The following FOXP1 variants were observed in gnomAD, a reference collection of about 807,000 sequenced individuals.
FOXP1 encodes forkhead box P1, also known as forkhead box protein P1.
A neutral mutation model predicts 98.2 loss-of-function variants in FOXP1; 15 were observed. The ratio of observed to expected loss-of-function variants is 0.15; its 90% CI spans 0.10 to 0.24. FOXP1 has a LOEUF of 0.24. FOXP1 is among the 10% of genes least tolerant of loss of function. The probability of loss-of-function intolerance (pLI) is 1.00; values close to 1 mark genes in which losing one functional copy is unlikely to be tolerated. For missense variants in FOXP1, 633 were observed against 848.5 expected (o/e 0.75, Z 3.15); for synonymous variants, 371 against 314.5 (o/e 1.18, Z -1.90).
At chr3:71,544,357 T>C (rs1446575581) in intron 2 of FOXP1, among the ~76,000 whole-genome samples, 1 of 136,906 alleles carries the variant, frequency 7.3e-6, no homozygotes, top group Admixed American at 7.5e-5. Context: ...AAAAGATGTA[T>C]CAAAGGAAAG....
intron 6 of FOXP1, among the ~76,000 whole-genome samples, chr3:71,139,649 G>A (rs1029449509): frequency 4.7e-5 from 7 of 149,882 alleles, no homozygotes; most frequent in Middle Eastern, 3.4e-3. Context: ...TCTGTTCCTC[G>A]GCTCTATGGA....
At chr3:70,977,127 C>G in intron 16 of FOXP1, 85 bp from the exon 17 acceptor site, 1 of 931,352 alleles carries the variant, frequency 1.1e-6, no homozygotes, top group Non-Finnish European at 1.8e-6. Context: ...TATAAAATCA[C>G]TGTGATTCAG....
In FOXP1 at chr3:71,281,159, G is replaced by A. The variant is rs542383488; in HGVS notation, c.-12+18661C>T. Among the ~76,000 whole-genome samples the A allele has an allele frequency of 2.0e-5, 3 of 151,538 alleles. No individual in the cohort carries two copies. The East Asian group carries it at 5.8e-4, about 29-fold the overall frequency. On this transcript the variant is annotated intron_variant, in intron 5 of 20. Coordinates refer to ENST00000649528, the MANE Select transcript of FOXP1 (RefSeq NM_001349338.3). ...TGAGAGGATCACCTGAGCCCAGGGA[G>A]TTCAAGGCTGCAGTGAGCTATGATC... is the stretch of plus-strand genomic sequence containing the variant.
intron 5 of FOXP1, among the ~76,000 whole-genome samples, chr3:71,223,174 T>C (rs911814465): frequency 6.6e-6 from 1 of 152,180 alleles, no homozygotes; most frequent in African/African-American, 2.4e-5. Context: ...TCTCAACTCC[T>C]TTGAATGGAA....
chr3:71,369,241 T>C (rs944853749), intron 3 of FOXP1, among the ~76,000 whole-genome samples: 3 of 151,882 alleles, frequency 2.0e-5, no homozygotes, highest in Admixed American at 6.5e-5. Context: ...TAGAAACAAA[T>C]TAGCTGGGCG....
chr3:70,959,983 G>A (rs917455372), intron 20 of FOXP1, among the ~76,000 whole-genome samples: 5 of 152,136 alleles, frequency 3.3e-5, no homozygotes, highest in East Asian at 3.8e-4. Context: ...GTAATGCAAC[G>A]GCAGTTTGTG....
Position 71,582,210 on chromosome 3 carries a change from C to G in FOXP1, c.-446-513G>C, listed in dbSNP as rs1175714286. 1.1e-5 allele frequency: 11 copies of G among 977,280 alleles called. No individual in the cohort carries two copies. In the African/African-American group the frequency reaches 2.0e-4, roughly 18 times the overall value. The allele number at this position is 977,280 out of a possible 1,614,324, so 60.5% of individuals were successfully genotyped here. ...CCCGGGACCAAGGCGGAGCTCACAACAGGTGGGGAGGGGGGCTCGTCGAGG... is the reference window on the plus strand; with the variant it reads ...CCCGGGACCAAGGCGGAGCTCACAAGAGGTGGGGAGGGGGGCTCGTCGAGG... On this transcript the variant is annotated intron_variant, in intron 1 of 20. Transcript: ENST00000649528.
At chr3:71,316,364 C>A (rs1560294816) in intron 4 of FOXP1, among the ~76,000 whole-genome samples, 1 of 152,134 alleles carries the variant, frequency 6.6e-6, no homozygotes, top group South Asian at 2.1e-4. Context: ...TAGTGGCCAT[C>A]GGGATGACCA....
chr3:71,160,162 A>C (rs1356528320), intron 6 of FOXP1, among the ~76,000 whole-genome samples: 1 of 152,234 alleles, frequency 6.6e-6, no homozygotes, highest in Admixed American at 6.5e-5. Flanking sequence ...GCTGGTTTTC[A>C]ATTGACACTG....
intron 3 of FOXP1, among the ~76,000 whole-genome samples, chr3:71,419,016 C>T (rs1483692837): frequency 6.6e-6 from 1 of 150,654 alleles, no homozygotes; most frequent in Admixed American, 6.6e-5. Context: ...GGGTGAATCA[C>T]CTGAGGTCAG....
In FOXP1 at chr3:70,955,832, GCACA is replaced by G. The variant is rs143202281; in HGVS notation, c.*3411_*3414del. Reference sequence around the variant, plus strand: ...AACAGATTAACACACACGCACGCGCGCACACACACACACACACACACACAAAACC... The same window carrying G: ...AACAGATTAACACACACGCACGCGCGCACACACACACACACACACAAAACC... On this transcript the variant is annotated 3_prime_UTR_variant, in exon 21 of 21. Transcript: ENST00000649528. 3.7e-3 allele frequency: 815 copies of G among 220,820 alleles called. 2 individuals carry two copies. Among genetic ancestry groups the G allele is most frequent in the Middle Eastern group, 0.026 (19 of 720 alleles). The allele number at this position is 220,820 out of a possible 1,614,324, so 13.7% of individuals were successfully genotyped here. A position where few individuals can be genotyped will look rare whatever the true frequency, so the allele number is the denominator to read the frequency against.
intron 3 of FOXP1, among the ~76,000 whole-genome samples, chr3:71,391,355 T>C (rs1478597260): frequency 1.3e-5 from 2 of 152,238 alleles, no homozygotes; most frequent in East Asian, 1.9e-4. Context: ...AAACAAAGAC[T>C]GCCTTTCTTT....
At chr3:71,441,128 G>C (rs2085896112) in intron 3 of FOXP1, among the ~76,000 whole-genome samples, 1 of 152,178 alleles carries the variant, frequency 6.6e-6, no homozygotes, top group East Asian at 1.9e-4. Flanking sequence ...CCATATTTTA[G>C]ATTAGAGACC....
intron 3 of FOXP1, among the ~76,000 whole-genome samples, chr3:71,447,556 C>T (rs367961837): frequency 1.3e-5 from 2 of 152,182 alleles, no homozygotes; most frequent in African/African-American, 4.8e-5. Context: ...ATGAAACCAT[C>T]GAGGCCTATG....
intron 2 of FOXP1, among the ~76,000 whole-genome samples, chr3:71,543,822 C>A (rs1228664299): frequency 3.3e-5 from 5 of 152,208 alleles, no homozygotes. Flanking sequence ...ATACAACTAA[C>A]AAAGAAAGTG....
At chr3:71,029,185 TC>T (rs530527398) in intron 11 of FOXP1, among the ~76,000 whole-genome samples, 81 of 152,318 alleles carry the variant, frequency 5.3e-4, no homozygotes, top group African/African-American at 1.9e-3. Flanking sequence ...TCTCATTAGT[TC>T]ACTTTCTTCT....
At chr3:71,027,907 A>G (rs1001717012) in intron 11 of FOXP1, among the ~76,000 whole-genome samples, 2 of 152,184 alleles carry the variant, frequency 1.3e-5, no homozygotes, top group African/African-American at 2.4e-5. Context: ...TGCAACTTTA[A>G]GTAAGTTCTC....
chr3:71,040,703 T>C (rs903348735), intron 11 of FOXP1, among the ~76,000 whole-genome samples: 2 of 152,128 alleles, frequency 1.3e-5, no homozygotes, highest in African/African-American at 4.8e-5. Context: ...AATACTACAC[T>C]ATATCCCACA....
intron 6 of FOXP1, among the ~76,000 whole-genome samples, chr3:71,133,901 ACT>A (rs1325975215): frequency 3.9e-5 from 6 of 152,082 alleles, no homozygotes; most frequent in Non-Finnish European, 8.8e-5. Context: ...ACAGATTATG[ACT>A]CTATAGTATT....
Sources: allele counts gnomAD v4.1 joint callset (sites outside exome capture counted in the v4.1 genomes callset), GRCh38; gene constraint gnomAD v4.1.1; transcripts MANE v1.5; gene names NCBI Gene and HGNC (gene_info 2026-07-23, HGNC 2026-07-21).